Variants in CBFA2T2 observed in about 807,000 individuals in gnomAD.
CBFA2T2 encodes the protein protein CBFA2T2.
CBFA2T2 carries 11 observed loss-of-function variants against 62.2 expected under a neutral mutation model. The ratio of observed to expected loss-of-function variants is 0.18; its 90% CI spans 0.11 to 0.29. The LOEUF (loss-of-function observed/expected upper bound fraction) is 0.29. Ranked by LOEUF, CBFA2T2 falls within the 10% of genes least tolerant of loss-of-function variation. CBFA2T2 has a pLI of 1.00. For missense variants in CBFA2T2, 592 were observed against 774.1 expected (o/e 0.76, Z 2.79); for synonymous variants, 295 against 287.5 (o/e 1.03, Z -0.27).
At chr20:33,623,403 C>CT in intron 5 of CBFA2T2, 107 bp downstream of exon 5, 3 of 1,330,154 alleles carry the variant, frequency 2.3e-6, no homozygotes, top group Middle Eastern at 2.0e-4. Context: ...ATGTCTCAAA[C>CT]TTTTTTTGAG....
In CBFA2T2 at chr20:33,611,196, C is replaced by T. The variant is rs887122673; in HGVS notation, c.281C>T (p.Thr94Ile). 12 of 1,614,192 alleles carry T rather than the reference C, an allele frequency of 7.4e-6. No individual in the cohort carries two copies. The highest frequency in any genetic ancestry group is 9.3e-6 in the Non-Finnish European group (11 of 1,180,020). ...GPASSTSSALTNQQLPATCGA... is the reference protein window; with the variant it reads ...GPASSTSSALINQQLPATCGA... ...GCCTCCTCCACATCATCTGCACTCA[C>T]AAATCAGCAATTGCCAGCCACTTGT... Residue 94 changes from threonine (T) to isoleucine (I), a missense_variant, in exon 3 of 11, where the codon ACA (threonine) becomes ATA (isoleucine). By Grantham distance (89) the Thr-to-Ile change is moderately conservative. Around this residue, in one of 3 missense-constraint regions of CBFA2T2, gnomAD observed 449 missense variants for 551.2 expected, o/e 0.81. Transcript: ENST00000342704.
intron 1 of CBFA2T2, among the ~76,000 whole-genome samples, chr20:33,543,524 G>A (rs970599190): frequency 5.9e-5 from 9 of 152,146 alleles, no homozygotes; most frequent in African/African-American, 2.2e-4. Flanking sequence ...TGGGGGAGAT[G>A]AACACGTACT....
At chr20:33,515,512 A>C (rs1360703224) in intron 1 of CBFA2T2, among the ~76,000 whole-genome samples, 1 of 152,012 alleles carries the variant, frequency 6.6e-6, no homozygotes, top group Admixed American at 6.6e-5. Context: ...TTGACACTAT[A>C]GTTTTTTATT....
intron 1 of CBFA2T2, among the ~76,000 whole-genome samples, chr20:33,523,098 C>T (rs930280465): frequency 6.6e-6 from 1 of 152,096 alleles, no homozygotes; most frequent in Non-Finnish European, 1.5e-5. Flanking sequence ...AATATAGATA[C>T]GCATTGTAGA....
intron 10 of CBFA2T2, among the ~76,000 whole-genome samples, chr20:33,643,142 G>C (rs974550435): frequency 6.6e-6 from 1 of 152,170 alleles, no homozygotes; most frequent in Non-Finnish European, 1.5e-5. Context: ...GGTCTGGTGT[G>C]GGGGAGGAAG....
intron 1 of CBFA2T2, among the ~76,000 whole-genome samples, chr20:33,500,420 A>AAGTCC (rs2146846484): frequency 6.6e-6 from 1 of 152,164 alleles, no homozygotes; most frequent in South Asian, 2.1e-4. Context: ...TTAAAAAAAA[A>AAGTCC]AGTCCAGGCC....
intron 1 of CBFA2T2, among the ~76,000 whole-genome samples, chr20:33,586,613 G>T (rs961347146): frequency 2.0e-5 from 3 of 152,074 alleles, no homozygotes; most frequent in African/African-American, 7.2e-5. Context: ...GTTCAAAATA[G>T]ATAAAAATTT....
chr20:33,504,188 G>A (rs992543379), intron 1 of CBFA2T2, among the ~76,000 whole-genome samples: 7 of 151,938 alleles, frequency 4.6e-5, no homozygotes, highest in Non-Finnish European at 2.9e-5. Context: ...ATTCATCCAC[G>A]TTGTGTCATG....
At chr20:33,564,186 A>T (rs1167040269) in intron 1 of CBFA2T2, among the ~76,000 whole-genome samples, 1 of 151,970 alleles carries the variant, frequency 6.6e-6, no homozygotes, top group Non-Finnish European at 1.5e-5. Context: ...TTAAGTGGAC[A>T]GTATAGTACT....
intron 1 of CBFA2T2, among the ~76,000 whole-genome samples, chr20:33,563,776 T>G (rs2013180320): frequency 6.6e-6 from 1 of 152,206 alleles, no homozygotes; most frequent in South Asian, 2.1e-4. Flanking sequence ...TCACTTTTTT[T>G]GCTGCGATAG....
chr20:33,494,243 G>GTATA lies in CBFA2T2; in HGVS notation c.34+3970_34+3973dup, dbSNP rs869164142. On this transcript the variant is annotated intron_variant, in intron 1 of 10. Coordinates refer to ENST00000342704, the MANE Select transcript of CBFA2T2 (RefSeq NM_001032999.3). ...TACTATGTATTAGGCATATATATGT[G>GTATA]TATATATATATATATATATATATAT... is the stretch of plus-strand genomic sequence containing the variant. 3.3e-3 allele frequency among the ~76,000 whole-genome samples: 101 copies of GTATA among 30,240 alleles called. 1 individual carries two copies. The highest frequency in any genetic ancestry group is 0.011 in the African/African-American group (99 of 9,222). 19.8% of individuals were successfully genotyped at this position (30,240 alleles called of 152,430 possible).
intron 1 of CBFA2T2, among the ~76,000 whole-genome samples, chr20:33,517,924 G>A (rs185752558): frequency 2.6e-5 from 4 of 151,966 alleles, no homozygotes; most frequent in Middle Eastern, 6.8e-3. Flanking sequence ...GATTACAGGC[G>A]TGAGCCACCG....
intron 1 of CBFA2T2, among the ~76,000 whole-genome samples, chr20:33,497,358 T>C (rs2011212858): frequency 6.6e-6 from 1 of 151,562 alleles, no homozygotes; most frequent in Non-Finnish European, 1.5e-5. Context: ...TTGTTCCCTT[T>C]GGTTGTTGGG....
rs562416059 is a variant in CBFA2T2, at chr20:33,607,007, A to G, written c.86A>G (p.Lys29Arg). Residue 29 changes from lysine (K) to arginine (R), a missense_variant, in exon 2 of 11, where the codon AAG (lysine) becomes AGG (arginine). Physicochemically the swap from Lys to Arg is conservative, Grantham distance 26. Transcript: ENST00000342704. Reference protein sequence around the residue: ...PAMPGSPVEVKIQSRSSPPTM... With the variant: ...PAMPGSPVEVRIQSRSSPPTM... ...ATGCCTGGATCGCCTGTGGAAGTGA[A>G]GATACAGTCCAGATCCTCACCTCCC... 1.7e-4 allele frequency: 272 copies of G among 1,613,898 alleles called. 3 individuals carry two copies. In the South Asian group the frequency reaches 2.9e-3, roughly 17 times the overall value.
chr20:33,583,769 C>G (rs1198084028), intron 1 of CBFA2T2, among the ~76,000 whole-genome samples: 1 of 152,124 alleles, frequency 6.6e-6, no homozygotes, highest in African/African-American at 2.4e-5. Context: ...ACTTGACTGT[C>G]CTCTGGGAGG....
intron 10 of CBFA2T2, among the ~76,000 whole-genome samples, chr20:33,640,746 C>CATAT (rs370686833): frequency 1.3e-5 from 2 of 151,620 alleles, no homozygotes; most frequent in African/African-American, 2.4e-5. Context: ...TACATACATA[C>CATAT]ATATATATAT....
rs1239604382 is a variant in CBFA2T2 at position 33,565,218 on chromosome 20, T to TC, written c.35-41736dup. On this transcript the variant is annotated intron_variant, in intron 1 of 10. Coordinates refer to ENST00000342704, the MANE Select transcript of CBFA2T2 (RefSeq NM_001032999.3). ...GTAGGTGTGAGCCACTGCGCCCGGC[T>TC]CCAAGTTTTCTTTTATACCAAATTG... Among the ~76,000 whole-genome samples the TC allele has an allele frequency of 4.6e-5, 7 of 152,240 alleles. No individual in the cohort carries two copies. In the South Asian group the frequency reaches 1.2e-3, roughly 27 times the overall value.
At chr20:33,548,234 T>A (rs1230954663) in intron 1 of CBFA2T2, among the ~76,000 whole-genome samples, 1 of 151,522 alleles carries the variant, frequency 6.6e-6, no homozygotes, top group Non-Finnish European at 1.5e-5. Flanking sequence ...GTACTGGGAG[T>A]TTTTATTTTT....
intron 1 of CBFA2T2, among the ~76,000 whole-genome samples, chr20:33,531,014 C>T (rs779702220): frequency 2.0e-5 from 3 of 151,934 alleles, no homozygotes; most frequent in South Asian, 2.1e-4. Flanking sequence ...ACCTAGGAGG[C>T]GGAGGTTGCA....
Sources: allele counts gnomAD v4.1 joint callset (sites outside exome capture counted in the v4.1 genomes callset), GRCh38; gene constraint gnomAD v4.1.1; regional missense constraint gnomAD v4.1.1; transcripts MANE v1.5; gene names NCBI Gene and HGNC (gene_info 2026-07-23, HGNC 2026-07-21).